Variants in CYP4F22 observed in about 807,000 individuals in gnomAD.
CYP4F22 encodes cytochrome P450 family 4 subfamily F member 22, also known as ultra-long-chain fatty acid omega-hydroxylase.
In CYP4F22, 37 loss-of-function variants were observed where a neutral mutation model predicts 60.4. The ratio of observed to expected loss-of-function variants is 0.61; its 90% CI spans 0.47 to 0.81. The LOEUF (loss-of-function observed/expected upper bound fraction) is 0.81. CYP4F22 is among the 30% of genes least tolerant of loss of function. The probability of loss-of-function intolerance (pLI) is 0.00; values close to 1 mark genes in which losing one functional copy is unlikely to be tolerated. For missense variants in CYP4F22, 655 were observed against 715.0 expected, an observed-to-expected ratio of 0.92 and a Z score of 0.96; for synonymous variants, 258 against 280.5, an observed-to-expected ratio of 0.92 and a Z score of 0.80.
rs750743002 is a variant in CYP4F22, at chr19:15,537,606, T to G, written c.493T>G (p.Phe165Val). 6.2e-7 allele frequency: 1 copy of G among 1,614,128 alleles called. No individual in the cohort carries two copies. Among genetic ancestry groups the G allele is most frequent in the South Asian group, 1.1e-5 (1 of 91,086 alleles). ...TCGCCTGCTGACACCCGCCTTCCACTTTGACATCCTGAAGCCTTACATGAA... is the reference window on the plus strand; with the variant it reads ...TCGCCTGCTGACACCCGCCTTCCACGTTGACATCCTGAAGCCTTACATGAA... ...HRRLLTPAFH[F>V]DILKPYMKIF... Residue 165 changes from phenylalanine (F) to valine (V), a missense_variant, in exon 6 of 14, where the codon TTT (phenylalanine) becomes GTT (valine). Physicochemically the swap from Phe to Val is conservative, Grantham distance 50. Transcript: ENST00000269703.
chr19:15,529,989 C>T, intron 4 of CYP4F22, 136 bp downstream of exon 4: 1 of 1,228,890 alleles, frequency 8.1e-7, no homozygotes, highest in Admixed American at 1.8e-5. Flanking sequence ...TTTGGCAAAG[C>T]AAGCATGGCA....
At chr19:15,545,348 A>G (rs1419482025) in intron 10 of CYP4F22, among the ~76,000 whole-genome samples, 1 of 152,106 alleles carries the variant, frequency 6.6e-6, no homozygotes, top group Non-Finnish European at 1.5e-5. Flanking sequence ...TGGGTGATGA[A>G]AAGAAAACAC....
rs1971495916 is a variant in CYP4F22 at position 15,544,173 on chromosome 19, A to G, written c.1030A>G (p.Ile344Val). Reference sequence around the variant, plus strand: ...AGGTCACGACACAACATCCAGTGGGATCTCTTGGATGCTGTTCAATTTGGC... The same window carrying G: ...AGGTCACGACACAACATCCAGTGGGGTCTCTTGGATGCTGTTCAATTTGGC... ...FEGHDTTSSG[I>V]SWMLFNLAKY... The change falls in exon 10 of 14, where the codon ATC becomes GTC. Residue 344 changes from isoleucine to valine, a missense_variant. By Grantham distance (29) the Ile-to-Val change is conservative. Transcript: ENST00000269703. 1 of 1,613,932 alleles carries G rather than the reference A, an allele frequency of 6.2e-7. No homozygotes were observed. Among genetic ancestry groups the G allele is most frequent in the Non-Finnish European group, 8.5e-7 (1 of 1,180,044 alleles).
intron 13 of CYP4F22, among the ~76,000 whole-genome samples, 180 bp downstream of exon 13, chr19:15,550,936 G>T (rs1298263519): frequency 6.6e-6 from 1 of 152,150 alleles, no homozygotes; most frequent in Non-Finnish European, 1.5e-5. Flanking sequence ...ATAGCATCCT[G>T]GGTATTGAGC....
Position 15,550,768 on chromosome 19 carries a change from A to G in CYP4F22, c.1418+12A>G. On this transcript the variant is annotated intron_variant, in intron 13 of 13. Transcript: ENST00000269703. The stretch of plus-strand genomic sequence containing the variant: ...TCTGCAGGACCCAGGTAACCCCTCT[A>G]TTTCCCCTAGTCCAAGCCAGCTGTG... 3 of 1,613,914 alleles carry G rather than the reference A, an allele frequency of 1.9e-6. No homozygotes were observed. Among genetic ancestry groups the G allele is most frequent in the South Asian group, 1.1e-5 (1 of 91,078 alleles).
intron 1 of CYP4F22, among the ~76,000 whole-genome samples, chr19:15,508,800 A>T (rs10401260): frequency 0.29 from 43,436 of 150,362 alleles, 6,507 homozygotes; most frequent in Non-Finnish European, 0.32. Flanking sequence ...TGTGTCCCCG[A>T]CGTTTGCTGC....
intron 4 of CYP4F22, among the ~76,000 whole-genome samples, chr19:15,531,426 C>A (rs1451811796): frequency 6.6e-6 from 1 of 150,782 alleles, no homozygotes; most frequent in Non-Finnish European, 1.5e-5. Context: ...ATTTTAGGAT[C>A]TCTGTCCCAG....
intron 1 of CYP4F22, among the ~76,000 whole-genome samples, chr19:15,521,878 C>T (rs187981389): frequency 6.4e-4 from 98 of 152,206 alleles, no homozygotes; most frequent in African/African-American, 2.2e-3. Context: ...GGCGTGGTGG[C>T]TCACGCCTGT....
chr19:15,513,655 C>T (rs555054744), intron 1 of CYP4F22, among the ~76,000 whole-genome samples: 1 of 152,096 alleles, frequency 6.6e-6, no homozygotes, highest in East Asian at 1.9e-4. Context: ...TGAGCCACCA[C>T]GCCCAGCCTA....
rs1343432748 is a variant in CYP4F22 at position 15,523,746 on chromosome 19, A to C, written c.-55A>C. On this transcript the variant is annotated 5_prime_UTR_variant, in exon 2 of 14. Coordinates refer to ENST00000269703, the MANE Select transcript of CYP4F22 (RefSeq NM_173483.4). ...GCAAGTAATTTTTTTGGGAAGTAAT[A>C]ACAGAAAATACCAGCAAGGAAGAAG... 1.3e-5 allele frequency: 2 copies of C among 152,194 alleles called. No individual in the cohort carries two copies. The highest frequency in any genetic ancestry group is 4.8e-5 in the African/African-American group (2 of 41,440). The allele number at this position is 152,194 out of a possible 1,614,324, so 9.4% of individuals were successfully genotyped here.
intron 8 of CYP4F22, among the ~76,000 whole-genome samples, chr19:15,542,804 G>A (rs753983226): frequency 1.3e-5 from 2 of 152,124 alleles, no homozygotes; most frequent in Non-Finnish European, 2.9e-5. Flanking sequence ...AACATGTGGT[G>A]TTTGGTTTTC....
At chr19:15,509,843 G>C (rs1971061711) in intron 1 of CYP4F22, among the ~76,000 whole-genome samples, 1 of 147,284 alleles carries the variant, frequency 6.8e-6, no homozygotes, top group Admixed American at 6.7e-5. Flanking sequence ...TTCAGGGAAT[G>C]GGACCCATCT....
intron 1 of CYP4F22, among the ~76,000 whole-genome samples, chr19:15,517,627 T>C: frequency 6.6e-6 from 1 of 152,222 alleles, no homozygotes. Context: ...AGCTGGGATT[T>C]TCCTGGGTGC....
chr19:15,524,872 G>A (rs548622333), intron 2 of CYP4F22, among the ~76,000 whole-genome samples: 21 of 152,278 alleles, frequency 1.4e-4, no homozygotes, highest in African/African-American at 4.6e-4. Context: ...GGGAAAGGAC[G>A]TGGCCAATAG....
Position 15,525,424 on chromosome 19 carries a change from T to C in CYP4F22, c.88T>C (p.Phe30Leu), listed in dbSNP as rs1971271056. The C allele has an allele frequency of 2.5e-6, 4 of 1,614,184 alleles. No homozygotes were observed. The highest frequency in any genetic ancestry group is 3.4e-6 in the Non-Finnish European group (4 of 1,180,044). ...RIYAVSTLLL[F>L]LLFFLFRLLL... Reference sequence around the variant, plus strand: ...ATACGCGGTGTCCACCCTTCTCCTCTTCCTGCTCTTCTTCCTGTTCCGCCT... The same window carrying C: ...ATACGCGGTGTCCACCCTTCTCCTCCTCCTGCTCTTCTTCCTGTTCCGCCT... Residue 30 changes from phenylalanine (F) to leucine (L), a missense_variant, in exon 3 of 14, where the codon TTC becomes CTC. Transcript: ENST00000269703.
At chr19:15,525,844 T>G (rs1044292148) in intron 3 of CYP4F22, among the ~76,000 whole-genome samples, 4 of 151,708 alleles carry the variant, frequency 2.6e-5, no homozygotes, top group African/African-American at 9.7e-5. Context: ...TTGGGAAACA[T>G]AGTGAGACCC....
chr19:15,531,723 C>G (rs1327452796), intron 4 of CYP4F22, among the ~76,000 whole-genome samples: 1 of 152,174 alleles, frequency 6.6e-6, no homozygotes, highest in Non-Finnish European at 1.5e-5. Context: ...CACATGCTTG[C>G]TGTGAGACCC....
Position 15,548,137 on chromosome 19 carries a change from C to G in CYP4F22, c.1166C>G (p.Thr389Ser). The G allele has an allele frequency of 6.2e-7, 1 of 1,613,362 alleles. No individual in the cohort carries two copies. Among genetic ancestry groups the G allele is most frequent in the Non-Finnish European group, 8.5e-7 (1 of 1,179,730 alleles). ...WDDLTQLPFTTMCIKESLRQY... is the reference protein window; with the variant it reads ...WDDLTQLPFTSMCIKESLRQY... Reference sequence around the variant, plus strand: ...GATCTGACTCAGCTGCCCTTTACAACTATGTGCATTAAGGAGAGCCTGCGC... The same window carrying G: ...GATCTGACTCAGCTGCCCTTTACAAGTATGTGCATTAAGGAGAGCCTGCGC... Residue 389 changes from threonine (T) to serine (S), a missense_variant, in exon 11 of 14, where the codon ACT becomes AGT. Coordinates refer to ENST00000269703, the MANE Select transcript of CYP4F22 (RefSeq NM_173483.4).
At chr19:15,508,918 T>C (rs772476581) in intron 1 of CYP4F22, among the ~76,000 whole-genome samples, 39 of 150,988 alleles carry the variant, frequency 2.6e-4, no homozygotes, top group Non-Finnish European at 4.6e-4. Context: ...AAAAGACCCC[T>C]CTGGTAGTCA....
Sources: gnomAD v4.1 joint callset for allele counts (sites outside exome capture counted in the v4.1 genomes callset) on GRCh38, gnomAD v4.1.1 for gene constraint, MANE v1.5 for transcripts, NCBI Gene and HGNC (gene_info 2026-07-23, HGNC 2026-07-21) for gene names.